CNOT2: variants seen among roughly 807,000 people sequenced by gnomAD.
CNOT2 encodes CCR4-NOT transcription complex subunit 2.
Under a neutral mutation model 72.1 loss-of-function variants are expected in CNOT2, and 7 were observed. The observed-to-expected ratio is 0.10, with a 90% CI of 0.06 to 0.18. The LOEUF (loss-of-function observed/expected upper bound fraction) is 0.18, where lower values mean the gene tolerates loss of function less well. CNOT2 is among the 10% of genes least tolerant of loss of function. The pLI is 1.00. For synonymous variants in CNOT2, 196 were observed against 225.6 expected, an observed-to-expected ratio of 0.87 and a Z score of 1.17; for missense variants, 345 against 660.3, an observed-to-expected ratio of 0.52 and a Z score of 5.23.
chr12:70,299,876 C>G (rs955666497), intron 2 of CNOT2, among the ~76,000 whole-genome samples: 23 of 152,350 alleles, frequency 1.5e-4, no homozygotes, highest in Non-Finnish European at 3.1e-4. Context: ...CACATCCTCT[C>G]TAGCACCTGT....
intron 2 of CNOT2, among the ~76,000 whole-genome samples, chr12:70,278,859 T>G (rs1297471759): frequency 6.6e-6 from 1 of 152,166 alleles, no homozygotes; most frequent in Non-Finnish European, 1.5e-5. Context: ...GGAAGAATAG[T>G]GGAAATGTAA....
chr12:70,293,149 T>C (rs1872206325), intron 2 of CNOT2, among the ~76,000 whole-genome samples: 1 of 150,488 alleles, frequency 6.6e-6, no homozygotes, highest in African/African-American at 2.4e-5. Flanking sequence ...TAAAAGTGAA[T>C]TGATTTCATA....
intron 1 of CNOT2, among the ~76,000 whole-genome samples, chr12:70,262,077 G>C (rs896241454): frequency 6.6e-6 from 1 of 151,622 alleles, no homozygotes; most frequent in Non-Finnish European, 1.5e-5. Flanking sequence ...CCTGTTTTTA[G>C]TACTTTGAGT....
At chr12:70,307,553 C>T (rs971677245) in intron 2 of CNOT2, 1 of 151,452 alleles carries the variant, frequency 6.6e-6, no homozygotes, top group Non-Finnish European at 1.5e-5. Context: ...CTGCACATGA[C>T]TGTCGTTTAT....
chr12:70,293,980 G>A, intron 2 of CNOT2: 1 of 407,332 alleles, frequency 2.5e-6, no homozygotes, highest in Non-Finnish European at 4.7e-6. Context: ...ATGAATCTGG[G>A]TTTGGCCAGT....
intron 1 of CNOT2, among the ~76,000 whole-genome samples, chr12:70,248,555 C>T (rs1224673947): frequency 6.6e-6 from 1 of 152,072 alleles, no homozygotes; most frequent in African/African-American, 2.4e-5. Flanking sequence ...TTTTACCTTT[C>T]TCAAATCTGA....
chr12:70,306,756 G>A (rs1181974101), intron 2 of CNOT2, among the ~76,000 whole-genome samples: 8 of 152,276 alleles, frequency 5.3e-5, no homozygotes, highest in African/African-American at 1.4e-4. Flanking sequence ...CCAAGATGAA[G>A]TCTGATTTAA....
chr12:70,326,481 G>T (rs1879099898), intron 4 of CNOT2, among the ~76,000 whole-genome samples: 1 of 148,328 alleles, frequency 6.7e-6, no homozygotes, highest in Admixed American at 6.8e-5. Flanking sequence ...TCAGCTGTAT[G>T]TCCTATTCTT....
At chr12:70,345,454 C>G (rs1390656820) in intron 14 of CNOT2, 2 of 152,076 alleles carry the variant, frequency 1.3e-5, no homozygotes, top group African/African-American at 4.8e-5. Flanking sequence ...ACTGGCAGTT[C>G]TGTTTTCATA....
At chr12:70,353,775 C>T (rs1883162064) in intron 15 of CNOT2, 54 bp from the exon 16 acceptor site, 2 of 1,593,324 alleles carry the variant, frequency 1.3e-6, no homozygotes, top group Admixed American at 3.8e-5. Context: ...TGTATTTTGA[C>T]AAATGTAAAA....
chr12:70,255,260 T>C (rs1341299912), intron 1 of CNOT2, among the ~76,000 whole-genome samples: 1 of 152,170 alleles, frequency 6.6e-6, no homozygotes, highest in African/African-American at 2.4e-5. Context: ...TTGTGTCCTT[T>C]CTCTTTATCA....
At chr12:70,293,914 C>CTTTTTT (rs34038348) in intron 2 of CNOT2, among the ~76,000 whole-genome samples, 2 of 71,316 alleles carry the variant, frequency 2.8e-5, no homozygotes, top group Non-Finnish European at 5.1e-5. Context: ...GTGAGCACTG[C>CTTTTTT]TTTTTTTTTT....
At chr12:70,257,353 C>CTTT (rs1565733065) in intron 1 of CNOT2, among the ~76,000 whole-genome samples, 1 of 138,938 alleles carries the variant, frequency 7.2e-6, no homozygotes, top group African/African-American at 2.7e-5. Flanking sequence ...CCAACTACCC[C>CTTT]CTTTTTTTTT....
At chr12:70,318,446 T>C (rs1367636034) in intron 3 of CNOT2, among the ~76,000 whole-genome samples, 1 of 151,916 alleles carries the variant, frequency 6.6e-6, no homozygotes, top group Non-Finnish European at 1.5e-5. Flanking sequence ...TGAATTTCAA[T>C]AGTTTTGGGG....
intron 1 of CNOT2, 137 bp from the exon 2 acceptor site, chr12:70,277,995 T>C (rs544023474): frequency 5.0e-6 from 2 of 401,334 alleles, no homozygotes; most frequent in South Asian, 9.7e-5. Flanking sequence ...CCCGCGAAAA[T>C]GGTTACGAGG....
intron 4 of CNOT2, 108 bp from the exon 5 acceptor site, chr12:70,329,315 G>A (rs887527830): frequency 2.8e-5 from 19 of 684,584 alleles, no homozygotes; most frequent in Non-Finnish European, 3.7e-5. Context: ...TAAAATTTGC[G>A]TACTATGTTA....
chr12:70,321,124 A>C (rs528495296), intron 4 of CNOT2, among the ~76,000 whole-genome samples: 1 of 151,996 alleles, frequency 6.6e-6, no homozygotes, highest in African/African-American at 2.4e-5. Flanking sequence ...TTAAATAACT[A>C]TATTCCTGTA....
At chr12:70,292,158 A>T (rs989120165) in intron 2 of CNOT2, among the ~76,000 whole-genome samples, 5 of 152,170 alleles carry the variant, frequency 3.3e-5, no homozygotes, top group Admixed American at 2.6e-4. Context: ...TTAACATCAT[A>T]TGCACTCATA....
Position 70,332,909 on chromosome 12 carries a change from A to G in CNOT2, c.649+63A>G, listed in dbSNP as rs1426813493. The G allele has an allele frequency of 4.0e-6, 6 of 1,486,916 alleles. No homozygotes were observed. The African/African-American group carries it at 4.3e-5, about 11-fold the overall frequency. 92.1% of individuals were successfully genotyped at this position (1,486,916 alleles called of 1,614,324 possible). ...TGATAGATTTATGAAATATAAAGCA[A>G]TTCAACATACTGGTCTTTAAATACG... On this transcript the variant is annotated intron_variant, in intron 7 of 15. Transcript: ENST00000229195.
Sources: gnomAD v4.1 joint callset for allele counts (sites outside exome capture counted in the v4.1 genomes callset) on GRCh38, gnomAD v4.1.1 for gene constraint, MANE v1.5 for transcripts, NCBI Gene and HGNC (gene_info 2026-07-23, HGNC 2026-07-21) for gene names.